The following SLC8A1 variants were observed in gnomAD, a reference collection of about 807,000 sequenced individuals.
SLC8A1 encodes the protein sodium/calcium exchanger 1.
Under a neutral mutation model 68.3 loss-of-function variants are expected in SLC8A1, and 18 were observed. The observed-to-expected ratio is 0.26, with a 90% CI of 0.18 to 0.39. The LOEUF is 0.39. Ranked by LOEUF, SLC8A1 falls within the 10% of genes least tolerant of loss-of-function variation. The pLI, the probability that SLC8A1 is intolerant of heterozygous loss-of-function variation, is 1.00. For synonymous variants in SLC8A1, 475 were observed against 415.5 expected (o/e 1.14, Z -1.74); for missense variants, 985 against 1,156.7 (o/e 0.85, Z 2.15).
At chr2:40,435,937 C>T (rs866785104) in intron 1 of SLC8A1, among the ~76,000 whole-genome samples, 4 of 147,052 alleles carry the variant, frequency 2.7e-5, no homozygotes, top group East Asian at 2.2e-4. Flanking sequence ...CAACCATGCT[C>T]GGCTATTTTT....
intron 2 of SLC8A1, among the ~76,000 whole-genome samples, chr2:40,409,319 G>C (rs1218359663): frequency 2.0e-5 from 3 of 152,038 alleles, no homozygotes. Flanking sequence ...TCAGGCTTCA[G>C]GAATATAGTT....
intron 1 of SLC8A1, among the ~76,000 whole-genome samples, chr2:40,475,297 C>A (rs1196143022): frequency 6.6e-6 from 1 of 151,970 alleles, no homozygotes; most frequent in Non-Finnish European, 1.5e-5. Context: ...CCTCGCCCGG[C>A]TAATTTTTTG....
intron 2 of SLC8A1, among the ~76,000 whole-genome samples, chr2:40,361,295 G>A (rs1016062847): frequency 2.0e-5 from 3 of 152,040 alleles, no homozygotes; most frequent in African/African-American, 4.8e-5. Context: ...GATGTGTGCC[G>A]GTTACTTCAA....
intron 2 of SLC8A1, among the ~76,000 whole-genome samples, chr2:40,415,387 G>A (rs1005351928): frequency 2.0e-5 from 3 of 148,700 alleles, no homozygotes; most frequent in Non-Finnish European, 4.5e-5. Flanking sequence ...CAATTTTCCT[G>A]AAGACATAGA....
At chr2:40,216,213 T>C (rs1008778001) in intron 2 of SLC8A1, among the ~76,000 whole-genome samples, 5 of 152,092 alleles carry the variant, frequency 3.3e-5, no homozygotes, top group African/African-American at 1.2e-4. Context: ...TGTCCATGTG[T>C]TCTCAATGTT....
At chr2:40,343,569 T>C (rs1668363639) in intron 2 of SLC8A1, among the ~76,000 whole-genome samples, 1 of 152,192 alleles carries the variant, frequency 6.6e-6, no homozygotes, top group Non-Finnish European at 1.5e-5. Flanking sequence ...AATGTCAGCC[T>C]TGTATGTATT....
At chr2:40,200,289 A>G (rs1408179202) in intron 2 of SLC8A1, among the ~76,000 whole-genome samples, 1 of 105,672 alleles carries the variant, frequency 9.5e-6, no homozygotes, top group Non-Finnish European at 1.8e-5. Flanking sequence ...GTAATTTCTG[A>G]TACTTAGAAG....
chr2:40,379,930 A>C (rs1162795493), intron 2 of SLC8A1, among the ~76,000 whole-genome samples: 1 of 152,118 alleles, frequency 6.6e-6, no homozygotes, highest in Non-Finnish European at 1.5e-5. Flanking sequence ...AGCCATTAGG[A>C]AAGAGCTCTA....
chr2:40,387,840 G>A (rs1473963714), intron 2 of SLC8A1, among the ~76,000 whole-genome samples: 1 of 149,128 alleles, frequency 6.7e-6, no homozygotes, highest in Non-Finnish European at 1.5e-5. Flanking sequence ...TGGAGCCTGA[G>A]ACATGAGAAT....
chr2:40,161,361 GTCATCAATAAATGGATTT>G (rs1456451043), intron 5 of SLC8A1, among the ~76,000 whole-genome samples: 1 of 152,124 alleles, frequency 6.6e-6, no homozygotes. Flanking sequence ...CTGCTGCATG[GTCATCAATAAATGGATTT>G]GTCTCTGGGT....
intron 6 of SLC8A1, among the ~76,000 whole-genome samples, chr2:40,156,815 C>A (rs1232280936): frequency 6.6e-6 from 1 of 152,016 alleles, no homozygotes; most frequent in African/African-American, 2.4e-5. Flanking sequence ...TACGTGCATA[C>A]CTGATTTGTA....
At chr2:40,180,863 G>A (rs557097097) in intron 2 of SLC8A1, among the ~76,000 whole-genome samples, 1,152 of 110,588 alleles carry the variant, frequency 0.01, 9 homozygotes, top group Non-Finnish European at 0.017. Flanking sequence ...TGTTCACAAA[G>A]CAACTTATTC....
intron 1 of SLC8A1, among the ~76,000 whole-genome samples, chr2:40,464,123 G>A (rs1297549157): frequency 6.6e-6 from 1 of 152,024 alleles, no homozygotes; most frequent in Non-Finnish European, 1.5e-5. Context: ...TTGAACTCCT[G>A]ACTTCAGGTG....
chr2:40,490,637 G>A (rs1047702374), intron 1 of SLC8A1, among the ~76,000 whole-genome samples: 1 of 152,030 alleles, frequency 6.6e-6, no homozygotes. Context: ...TGATTTGTGG[G>A]GATGGGTAGG....
rs148976435 is a variant in SLC8A1, at chr2:40,292,383, C to A, written c.1809-114528G>T. Among the ~76,000 whole-genome samples, 305 of 152,208 alleles carry A rather than the reference C, an allele frequency of 2.0e-3. 1 individual carries two copies. Among genetic ancestry groups the A allele is most frequent in the Admixed American group, 3.5e-3 (54 of 15,260 alleles). Reference sequence around the variant, plus strand: ...TTTGGAGGCGTGGACAATGAAACTGCCAAACAAACAGGGACTCTCACATAG... The same window carrying A: ...TTTGGAGGCGTGGACAATGAAACTGACAAACAAACAGGGACTCTCACATAG... On this transcript the variant is annotated intron_variant, in intron 2 of 7. Coordinates refer to ENST00000406785, the Ensembl canonical transcript of SLC8A1.
intron 2 of SLC8A1, among the ~76,000 whole-genome samples, chr2:40,207,526 A>G (rs1400581497): frequency 6.6e-6 from 1 of 152,148 alleles, no homozygotes; most frequent in Non-Finnish European, 1.5e-5. Context: ...GTATAATAAA[A>G]TATTTTTTTA....
intron 2 of SLC8A1, among the ~76,000 whole-genome samples, chr2:40,363,973 G>GT (rs150621276): frequency 0.012 from 1,841 of 151,974 alleles, 23 homozygotes; most frequent in Non-Finnish European, 0.019. Flanking sequence ...AAAGCACAAT[G>GT]TAAGTAGTCT....
chr2:40,139,405 C>A, exon 7 of SLC8A1: 2 of 1,614,022 alleles, frequency 1.2e-6, no homozygotes, highest in Non-Finnish European at 1.7e-6. Context: ...TTGTACCTGG[C>A]ACTGATGTTC....
chr2:40,488,646 G>T (rs1016640150), intron 1 of SLC8A1, among the ~76,000 whole-genome samples: 1 of 152,098 alleles, frequency 6.6e-6, no homozygotes, highest in East Asian at 1.9e-4. Flanking sequence ...AGACATTTTT[G>T]TACTAAGCCA....
Sources: gnomAD v4.1 joint callset for allele counts (sites outside exome capture counted in the v4.1 genomes callset) on GRCh38, gnomAD v4.1.1 for gene constraint, MANE v1.5 for transcripts, NCBI Gene and HGNC (gene_info 2026-07-23, HGNC 2026-07-21) for gene names.